MITF: variants seen among roughly 807,000 people sequenced by gnomAD.
MITF encodes the protein melanocyte inducing transcription factor, also known as microphthalmia-associated transcription factor.
A neutral mutation model predicts 60.5 loss-of-function variants in MITF; 17 were observed. The observed-to-expected ratio is 0.28, with a 90% CI of 0.19 to 0.42. The LOEUF (loss-of-function observed/expected upper bound fraction) is 0.42, where lower values mean the gene tolerates loss of function less well. MITF is among the 10% of genes least tolerant of loss of function. The pLI is 1.00. For synonymous variants in MITF, 260 were observed against 248.5 expected, an observed-to-expected ratio of 1.05 and a Z score of -0.43; for missense variants, 622 against 683.5, an observed-to-expected ratio of 0.91 and a Z score of 1.00.
chr3:69,874,489 A>G (rs548749104), intron 1 of MITF, among the ~76,000 whole-genome samples: 1 of 152,330 alleles, frequency 6.6e-6, no homozygotes, highest in East Asian at 1.9e-4. Flanking sequence ...AAGTTTTTCT[A>G]TCTATTAAAA....
chr3:69,843,278 A>G lies in MITF; in HGVS notation c.105-35856A>G, dbSNP rs553523410. Among the ~76,000 whole-genome samples the G allele has an allele frequency of 5.3e-5, 8 of 152,322 alleles. No homozygotes were observed. The East Asian group carries it at 1.5e-3, about 29-fold the overall frequency. On this transcript the variant is annotated intron_variant, in intron 1 of 9. Transcript: ENST00000352241. Reference sequence around the variant, plus strand: ...TTGAGAAATCATTTCCAAAGTGTCAATATTGAAAGAAGGCGTGAGAAATTT... The same window carrying G: ...TTGAGAAATCATTTCCAAAGTGTCAGTATTGAAAGAAGGCGTGAGAAATTT...
At chr3:69,908,008 A>C (rs1308831992) in intron 2 of MITF, among the ~76,000 whole-genome samples, 1 of 152,206 alleles carries the variant, frequency 6.6e-6, no homozygotes, top group African/African-American at 2.4e-5. Context: ...AAGTAAACCA[A>C]AATATCCAGC....
intron 1 of MITF, among the ~76,000 whole-genome samples, chr3:69,865,178 G>A (rs1019265596): frequency 5.3e-5 from 8 of 151,048 alleles, no homozygotes; most frequent in African/African-American, 1.7e-4. Flanking sequence ...TAGCATTAGA[G>A]GGAAGTTAAA....
At chr3:69,906,077 T>C (rs1288943324) in intron 2 of MITF, among the ~76,000 whole-genome samples, 1 of 152,208 alleles carries the variant, frequency 6.6e-6, no homozygotes, top group Non-Finnish European at 1.5e-5. Context: ...TTTACCTATG[T>C]TTTCTTTTAG....
chr3:69,880,232 G>A (rs1039891762), intron 2 of MITF, among the ~76,000 whole-genome samples: 1 of 152,128 alleles, frequency 6.6e-6, no homozygotes, highest in East Asian at 1.9e-4. Context: ...TTTACAGACC[G>A]GTGATTCATT....
intron 2 of MITF, among the ~76,000 whole-genome samples, chr3:69,924,468 A>C (rs1261896683): frequency 6.6e-6 from 1 of 152,232 alleles, no homozygotes; most frequent in Non-Finnish European, 1.5e-5. Context: ...AATACATAAA[A>C]ATAAAATATC....
At chr3:69,938,116 C>T in intron 3 of MITF, 67 bp downstream of exon 3, 3 of 1,500,740 alleles carry the variant, frequency 2.0e-6, no homozygotes, top group Non-Finnish European at 1.8e-6. Context: ...AATATGATTC[C>T]CACACTTAAC....
At chr3:69,947,620 G>T (rs539219605) in intron 5 of MITF, among the ~76,000 whole-genome samples, 7 of 152,238 alleles carry the variant, frequency 4.6e-5, no homozygotes, top group Admixed American at 6.5e-5. Context: ...GGGGGTATGT[G>T]TATTAGGTTT....
chr3:69,793,838 G>A (rs1291898163), intron 1 of MITF, among the ~76,000 whole-genome samples: 4 of 152,148 alleles, frequency 2.6e-5, no homozygotes, highest in Admixed American at 6.5e-5. Flanking sequence ...TGCCATTTTG[G>A]TATCCATAAT....
At chr3:69,879,415 A>C (rs545979919) in intron 2 of MITF, 32 bp downstream of exon 2, 1 of 1,613,944 alleles carries the variant, frequency 6.2e-7, no homozygotes, top group Admixed American at 1.7e-5. Context: ...TGGTTGGACC[A>C]AACTCTCTTC....
intron 5 of MITF, among the ~76,000 whole-genome samples, chr3:69,941,564 G>A (rs1440709634): frequency 6.6e-6 from 1 of 151,948 alleles, no homozygotes; most frequent in Non-Finnish European, 1.5e-5. Flanking sequence ...TGGAGTCCAC[G>A]AGCAGTTTTG....
At chr3:69,810,371 G>C (rs976187545) in intron 1 of MITF, among the ~76,000 whole-genome samples, 2 of 152,056 alleles carry the variant, frequency 1.3e-5, no homozygotes, top group East Asian at 1.9e-4. Context: ...CACTGAATTG[G>C]ATAGGTTTTT....
intron 2 of MITF, among the ~76,000 whole-genome samples, chr3:69,880,620 T>C (rs1159386178): frequency 6.6e-6 from 1 of 152,088 alleles, no homozygotes; most frequent in Non-Finnish European, 1.5e-5. Context: ...GTTTTCTCTC[T>C]GGAGTAGATG....
intron 1 of MITF, among the ~76,000 whole-genome samples, chr3:69,771,928 G>A (rs1014783268): frequency 1.3e-5 from 2 of 152,198 alleles, no homozygotes; most frequent in Non-Finnish European, 2.9e-5. Context: ...TTCCATTTAT[G>A]TGTGTGTTGG....
intron 2 of MITF, among the ~76,000 whole-genome samples, chr3:69,922,095 C>G (rs2065480051): frequency 1.3e-5 from 2 of 152,228 alleles, no homozygotes; most frequent in South Asian, 4.1e-4. Flanking sequence ...GTTACTCTCC[C>G]TGTTTCCCCC....
chr3:69,816,378 G>T (rs1018073825), intron 1 of MITF, among the ~76,000 whole-genome samples: 1 of 152,260 alleles, frequency 6.6e-6, no homozygotes, highest in Non-Finnish European at 1.5e-5. Flanking sequence ...TAGACAGAAA[G>T]CATAGGTGAT....
At chr3:69,818,040 A>G (rs2063209535) in intron 1 of MITF, among the ~76,000 whole-genome samples, 1 of 152,204 alleles carries the variant, frequency 6.6e-6, no homozygotes, top group African/African-American at 2.4e-5. Context: ...GATAAACTTC[A>G]TACTTAGGTA....
intron 5 of MITF, among the ~76,000 whole-genome samples, chr3:69,942,580 TC>T (rs1445169219): frequency 2.0e-5 from 3 of 152,226 alleles, no homozygotes; most frequent in Non-Finnish European, 2.9e-5. Context: ...TTAGAGTTTG[TC>T]TACTTTCTAC....
At chr3:69,796,429 G>A (rs1171033660) in intron 1 of MITF, among the ~76,000 whole-genome samples, 2 of 151,358 alleles carry the variant, frequency 1.3e-5, no homozygotes. Flanking sequence ...TACTTTTGCA[G>A]GTAGTAAAAC....
Sources: gnomAD v4.1 joint callset for allele counts (sites outside exome capture counted in the v4.1 genomes callset) on GRCh38, gnomAD v4.1.1 for gene constraint, MANE v1.5 for transcripts, NCBI Gene and HGNC (gene_info 2026-07-23, HGNC 2026-07-21) for gene names.